The following CHD6 variants were observed in gnomAD, a reference collection of about 807,000 sequenced individuals.
CHD6 encodes chromodomain helicase DNA binding protein 6, also known as ATP-dependent chromatin remodeler CHD6.
CHD6 carries 50 observed loss-of-function variants against 276.9 expected under a neutral mutation model. The ratio of observed to expected loss-of-function variants is 0.18; its 90% CI spans 0.14 to 0.23. The LOEUF is 0.23. CHD6 is among the 10% of genes least tolerant of loss of function. The pLI is 1.00. For missense variants in CHD6, 2,564 were observed against 3,365.8 expected, an observed-to-expected ratio of 0.76 and a Z score of 5.89; for synonymous variants, 1,173 against 1,229.3, an observed-to-expected ratio of 0.95 and a Z score of 0.96.
At chr20:41,589,386 A>G (rs1190692778) in intron 1 of CHD6, among the ~76,000 whole-genome samples, 2 of 152,130 alleles carry the variant, frequency 1.3e-5, no homozygotes, top group Non-Finnish European at 2.9e-5. Flanking sequence ...GGCAGGAGAA[A>G]GAAATAAAGG....
chr20:41,512,156 G>A (rs1160163228), intron 5 of CHD6, among the ~76,000 whole-genome samples: 6 of 151,656 alleles, frequency 4.0e-5, no homozygotes, highest in Admixed American at 1.3e-4. Context: ...GTAGAGATGG[G>A]GTTTTGCCAT....
chr20:41,485,556 C>A (rs934450049), intron 14 of CHD6: 1 of 152,028 alleles, frequency 6.6e-6, no homozygotes, highest in East Asian at 1.9e-4. Context: ...GAGTTACTTA[C>A]AAAAGCACAT....
At chr20:41,437,359 C>A in intron 26 of CHD6, 25 bp from the exon 27 acceptor site, 1 of 1,557,428 alleles carries the variant, frequency 6.4e-7, no homozygotes, top group Non-Finnish European at 8.8e-7. Context: ...AAAAAGGCAT[C>A]ACATACTACC....
chr20:41,478,675 G>A (rs1600963908), intron 16 of CHD6, among the ~76,000 whole-genome samples: 2 of 152,268 alleles, frequency 1.3e-5, no homozygotes, highest in African/African-American at 4.8e-5. Flanking sequence ...ACACTTGCTC[G>A]GGCCTGATTG....
intron 36 of CHD6, 91 bp from the exon 37 acceptor site, chr20:41,405,580 C>T: frequency 4.0e-6 from 4 of 1,000,666 alleles, no homozygotes; most frequent in Non-Finnish European, 5.9e-6. Context: ...ACTGGCCTGG[C>T]CTGTCTCCAG....
chr20:41,564,199 A>G, intron 1 of CHD6: 1 of 645,880 alleles, frequency 1.5e-6, no homozygotes, highest in Non-Finnish European at 2.8e-6. Flanking sequence ...GAAGCCATCT[A>G]CAAAATAGCT....
At chr20:41,558,501 AAAAC>A (rs1298775999) in intron 1 of CHD6, among the ~76,000 whole-genome samples, 1 of 152,226 alleles carries the variant, frequency 6.6e-6, no homozygotes, top group Non-Finnish European at 1.5e-5. Context: ...TAATGATGTA[AAAAC>A]AAACAATATA....
At chr20:41,513,154 A>G (rs1163809843) in intron 4 of CHD6, among the ~76,000 whole-genome samples, 159 bp from the exon 5 acceptor site, 1 of 152,190 alleles carries the variant, frequency 6.6e-6, no homozygotes, top group East Asian at 1.9e-4. Flanking sequence ...AAAGGACTAA[A>G]TTCAGTCAAA....
chr20:41,598,702 C>T (rs2045743958), intron 1 of CHD6, among the ~76,000 whole-genome samples: 1 of 152,196 alleles, frequency 6.6e-6, no homozygotes, highest in Non-Finnish European at 1.5e-5. Flanking sequence ...GTGTCTCTCA[C>T]AGCAAGGGGA....
intron 1 of CHD6, among the ~76,000 whole-genome samples, 186 bp downstream of exon 1, chr20:41,618,154 G>GCCGC (rs1300317211): frequency 6.7e-6 from 1 of 150,126 alleles, no homozygotes; most frequent in Non-Finnish European, 1.5e-5. Flanking sequence ...CCTCCGCCAG[G>GCCGC]CCGCCCGCCC....
chr20:41,412,315 C>T lies in CHD6; in HGVS notation c.7132-52G>A, dbSNP rs767708604. The T allele has an allele frequency of 3.1e-6, 5 of 1,589,278 alleles. No individual in the cohort carries two copies. The East Asian group carries it at 1.1e-4, about 36-fold the overall frequency. On this transcript the variant is annotated intron_variant, in intron 35 of 36. Coordinates refer to ENST00000373233, the MANE Select transcript of CHD6 (RefSeq NM_032221.5). ...ACAAAACATGCTATCCCAGATTCTT[C>T]TGATGAGGCTGATGCTTTTCAACTG...
intron 1 of CHD6, among the ~76,000 whole-genome samples, chr20:41,604,649 G>A (rs948544609): frequency 1.3e-5 from 2 of 152,096 alleles, no homozygotes; most frequent in African/African-American, 4.8e-5. Flanking sequence ...AGGAAGATTT[G>A]AACAAACACG....
At chr20:41,444,086 T>C (rs772724248) in intron 25 of CHD6, among the ~76,000 whole-genome samples, 1 of 152,198 alleles carries the variant, frequency 6.6e-6, no homozygotes, top group African/African-American at 2.4e-5. Context: ...TCAGGGTCAC[T>C]AGGCCTTCCC....
chr20:41,589,842 T>C (rs2045637346), intron 1 of CHD6, among the ~76,000 whole-genome samples: 1 of 152,206 alleles, frequency 6.6e-6, no homozygotes, highest in Admixed American at 6.5e-5. Context: ...TATCACTTTC[T>C]TCACAGAATT....
intron 13 of CHD6, among the ~76,000 whole-genome samples, chr20:41,488,129 T>C (rs1215145914): frequency 6.6e-6 from 1 of 152,128 alleles, no homozygotes; most frequent in Non-Finnish European, 1.5e-5. Flanking sequence ...TTGGTACCAG[T>C]TCATTTAGGG....
At chr20:41,567,725 T>C (rs1404968870) in intron 1 of CHD6, among the ~76,000 whole-genome samples, 6 of 152,234 alleles carry the variant, frequency 3.9e-5, no homozygotes, top group Non-Finnish European at 8.8e-5. Flanking sequence ...TCAGTTCTGC[T>C]GCTTACCAGC....
In CHD6 at chr20:41,403,371, G is replaced by A. The variant is rs1332642094; in HGVS notation, c.*1222C>T. ...TAACATGAAGGTGAAAGGACATGGG[G>A]AAGTGCTGCTTAGGCAGTTTCTTTC... On this transcript the variant is annotated 3_prime_UTR_variant, in exon 37 of 37. Transcript: ENST00000373233. 1 of 1,062,828 alleles carries A rather than the reference G, an allele frequency of 9.4e-7. No individual in the cohort carries two copies. Among genetic ancestry groups the A allele is most frequent in the Non-Finnish European group, 1.1e-6 (1 of 877,572 alleles). 65.8% of individuals were successfully genotyped at this position (1,062,828 alleles called of 1,614,324 possible).
intron 3 of CHD6, among the ~76,000 whole-genome samples, chr20:41,529,799 GCAACAGGAGCAATCAGGGGA>G (rs1275507836): frequency 5.9e-5 from 9 of 152,162 alleles, no homozygotes; most frequent in South Asian, 4.2e-4. Context: ...TGTCCTGGAG[GCAACAGGAGCAATCAGGGGA>G]CAACAGGAGC....
rs753094914 is a variant in CHD6 at position 41,487,767 on chromosome 20, A to G, written c.1899T>C (p.Ser633=). The G allele has an allele frequency of 6.2e-7, 1 of 1,611,736 alleles. No individual in the cohort carries two copies. Among genetic ancestry groups the G allele is most frequent in the Non-Finnish European group, 8.5e-7 (1 of 1,179,332 alleles). The change falls in exon 14 of 37, where the codon TCT becomes TCC. Residue 633 remains serine (S), a synonymous_variant. Coordinates refer to ENST00000373233, the MANE Select transcript of CHD6 (RefSeq NM_032221.5). ...VLLTGTPLQN[S]VEELFSLLNF... Reference sequence around the variant, plus strand: ...TTAACAAACTGAAGAGCTCCTCCACAGAGTTCTGCAAGGGTGTTCCAGTGA... The same window carrying G: ...TTAACAAACTGAAGAGCTCCTCCACGGAGTTCTGCAAGGGTGTTCCAGTGA...
Sources: allele counts gnomAD v4.1 joint callset (sites outside exome capture counted in the v4.1 genomes callset), GRCh38; gene constraint gnomAD v4.1.1; transcripts MANE v1.5; gene names NCBI Gene and HGNC (gene_info 2026-07-23, HGNC 2026-07-21).